PLXNA2: variants seen among roughly 807,000 people sequenced by gnomAD.
PLXNA2 encodes plexin A2.
In PLXNA2, 91 loss-of-function variants were observed where a neutral mutation model predicts 193.5. The observed-to-expected ratio is 0.47, with a 90% CI of 0.40 to 0.56. The LOEUF (loss-of-function observed/expected upper bound fraction) is 0.56, where lower values mean the gene tolerates loss of function less well. PLXNA2 is among the 20% of genes least tolerant of loss of function. PLXNA2 has a pLI of 0.00. For synonymous variants in PLXNA2, 997 were observed against 1,027.3 expected, an observed-to-expected ratio of 0.97 and a Z score of 0.56; for missense variants, 1,995 against 2,503.2, an observed-to-expected ratio of 0.80 and a Z score of 4.33.
In PLXNA2 at chr1:208,243,261, T is replaced by C. The variant is rs554759058; in HGVS notation, c.-81+382A>G. ...TCTCGCTGGTGCCACCGAGGCCCTCTTTGGGCTCCAGCTCTCAGGACAGCC... is the reference window on the plus strand; with the variant it reads ...TCTCGCTGGTGCCACCGAGGCCCTCCTTGGGCTCCAGCTCTCAGGACAGCC... On this transcript the variant is annotated intron_variant, in intron 1 of 31. Transcript: ENST00000367033. Among the ~76,000 whole-genome samples the C allele has an allele frequency of 2.0e-5, 3 of 152,190 alleles. No homozygotes were observed. The East Asian group carries it at 5.8e-4, about 30-fold the overall frequency.
chr1:208,031,197 A>G (rs991862867), intron 29 of PLXNA2: 8 of 1,036,874 alleles, frequency 7.7e-6, no homozygotes, highest in African/African-American at 3.4e-5. Context: ...CCCACTCAGA[A>G]TGCCCCACGA....
chr1:208,125,394 G>A (rs1667943784), intron 4 of PLXNA2, among the ~76,000 whole-genome samples: 1 of 152,150 alleles, frequency 6.6e-6, no homozygotes, highest in Non-Finnish European at 1.5e-5. Context: ...CCATGGGGAA[G>A]GCACTGGTTA....
At chr1:208,146,799 C>T (rs1314478639) in intron 3 of PLXNA2, among the ~76,000 whole-genome samples, 1 of 152,094 alleles carries the variant, frequency 6.6e-6, no homozygotes, top group African/African-American at 2.4e-5. Flanking sequence ...GCGGAGGATA[C>T]TGGAGATGGG....
At chr1:208,071,184 G>C (rs1278386172) in intron 12 of PLXNA2, among the ~76,000 whole-genome samples, 1 of 152,200 alleles carries the variant, frequency 6.6e-6, no homozygotes, top group Non-Finnish European at 1.5e-5. Flanking sequence ...AGGAGAAGAG[G>C]TGCCGAAGAA....
intron 22 of PLXNA2, among the ~76,000 whole-genome samples, chr1:208,041,500 C>G (rs1036695901): frequency 6.6e-6 from 1 of 152,222 alleles, no homozygotes; most frequent in Non-Finnish European, 1.5e-5. Flanking sequence ...GTCCAAATCC[C>G]TAGCTCAGTG....
In PLXNA2 at chr1:208,109,375, T is replaced by C. The variant is rs118081183; in HGVS notation, c.1507-6128A>G. ...AGCCACTTTCTTCTCTTTCCCCCAA[T>C]CCAAACCTGTTTTCAAGAAAAGATC... On this transcript the variant is annotated intron_variant, in intron 4 of 31. Coordinates refer to ENST00000367033, the MANE Select transcript of PLXNA2 (RefSeq NM_025179.4). Among the ~76,000 whole-genome samples, 237 of 151,908 alleles carry C rather than the reference T, an allele frequency of 1.6e-3. 5 individuals carry two copies. The East Asian group carries it at 0.044, about 28-fold the overall frequency.
chr1:208,062,265 C>G (rs535540101), intron 12 of PLXNA2, among the ~76,000 whole-genome samples: 1 of 152,200 alleles, frequency 6.6e-6, no homozygotes, highest in South Asian at 2.1e-4. Context: ...TGGATGAGTA[C>G]AGGTGAGCAT....
chr1:208,033,831 C>T (rs1042292849), intron 27 of PLXNA2, among the ~76,000 whole-genome samples: 54 of 152,162 alleles, frequency 3.5e-4, no homozygotes, highest in Admixed American at 5.9e-4. Context: ...AGGATATTTT[C>T]GTCGGTGTTT....
At chr1:208,208,314 G>C (rs1226114606) in intron 3 of PLXNA2, among the ~76,000 whole-genome samples, 1 of 152,222 alleles carries the variant, frequency 6.6e-6, no homozygotes, top group East Asian at 1.9e-4. Context: ...GGGCTCTAGA[G>C]CTACTTCTTT....
At position 208,025,909 on chromosome 1, in the gene PLXNA2, C is replaced by T. The variant is rs1664330030; in HGVS notation, c.*1334G>A. ...AGAAGGTAGTAACGTGGGCATGCCA[C>T]AGTCATTTCTACTGAGGAAGTGCTG... On this transcript the variant is annotated 3_prime_UTR_variant, in exon 32 of 32. Transcript: ENST00000367033. The T allele has an allele frequency of 6.6e-6, 1 of 152,636 alleles. No homozygotes were observed. Among genetic ancestry groups the T allele is most frequent in the Non-Finnish European group, 1.5e-5 (1 of 68,048 alleles). 9.5% of individuals were successfully genotyped at this position (152,636 alleles called of 1,614,324 possible).
intron 3 of PLXNA2, among the ~76,000 whole-genome samples, chr1:208,206,136 T>C (rs948566132): frequency 1.3e-5 from 2 of 152,228 alleles, no homozygotes; most frequent in Non-Finnish European, 2.9e-5. Flanking sequence ...AATTATGTTA[T>C]GTAAAGACAG....
chr1:208,040,615 A>G (rs556708995), intron 22 of PLXNA2, among the ~76,000 whole-genome samples: 1 of 152,338 alleles, frequency 6.6e-6, no homozygotes, highest in South Asian at 2.1e-4. Flanking sequence ...TGGTTTCAGT[A>G]TTCCTATCAC....
intron 4 of PLXNA2, among the ~76,000 whole-genome samples, chr1:208,137,386 A>G (rs1668335757): frequency 6.6e-6 from 1 of 152,192 alleles, no homozygotes; most frequent in African/African-American, 2.4e-5. Context: ...CTCCTTTTCT[A>G]GGAGTGGCCA....
intron 4 of PLXNA2, among the ~76,000 whole-genome samples, chr1:208,129,387 G>A (rs1338632714): frequency 6.6e-6 from 1 of 152,144 alleles, no homozygotes; most frequent in Admixed American, 6.5e-5. Context: ...TTCCTACCAA[G>A]TTCTATGTTG....
intron 12 of PLXNA2, among the ~76,000 whole-genome samples, chr1:208,064,120 T>C (rs1369697416): frequency 6.6e-6 from 1 of 152,222 alleles, no homozygotes; most frequent in Non-Finnish European, 1.5e-5. Context: ...TTCTCCCATC[T>C]ACCACAAATA....
intron 28 of PLXNA2, among the ~76,000 whole-genome samples, chr1:208,033,016 G>A (rs1431784177): frequency 1.3e-5 from 2 of 150,624 alleles, no homozygotes; most frequent in African/African-American, 2.4e-5. Flanking sequence ...CAGGGAACTG[G>A]ACTATCTCTC....
At chr1:208,051,139 C>G (rs778302293) in intron 16 of PLXNA2, 37 bp from the exon 17 acceptor site, 4 of 1,601,096 alleles carry the variant, frequency 2.5e-6, no homozygotes, top group African/African-American at 2.7e-5. Flanking sequence ...GTAAAAAACC[C>G]CCTCAAATCT....
chr1:208,171,051 G>C (rs1013501115), intron 3 of PLXNA2, among the ~76,000 whole-genome samples: 5 of 152,158 alleles, frequency 3.3e-5, no homozygotes, highest in African/African-American at 1.2e-4. Flanking sequence ...AATGCAGGCT[G>C]TAACGAGTGG....
At chr1:208,200,866 A>G (rs1349418648) in intron 3 of PLXNA2, among the ~76,000 whole-genome samples, 1 of 151,998 alleles carries the variant, frequency 6.6e-6, no homozygotes, top group African/African-American at 2.4e-5. Context: ...TCGGCCTCCC[A>G]AAGTGCTGGG....
Sources: allele counts gnomAD v4.1 joint callset (sites outside exome capture counted in the v4.1 genomes callset), GRCh38; gene constraint gnomAD v4.1.1; transcripts MANE v1.5; gene names NCBI Gene and HGNC (gene_info 2026-07-23, HGNC 2026-07-21).